Variants in UGT1A7 observed in about 807,000 individuals in gnomAD.
UGT1A7 encodes the protein UDP-glucuronosyltransferase 1A7.
UGT1A7 carries 33 observed loss-of-function variants against 45.6 expected under a neutral mutation model. The ratio of observed to expected loss-of-function variants is 0.72; its 90% CI spans 0.55 to 0.97. The LOEUF (loss-of-function observed/expected upper bound fraction) is 0.97. Ranked by LOEUF, UGT1A7 falls within the 50% of genes least tolerant of loss-of-function variation. The probability of loss-of-function intolerance (pLI) is 0.00; values close to 1 mark genes in which losing one functional copy is unlikely to be tolerated. For missense variants in UGT1A7, 684 were observed against 666.2 expected (o/e 1.03, Z -0.29); for synonymous variants, 274 against 250.6 (o/e 1.09, Z -0.88).
chr2:233,720,447 A>G lies in UGT1A7; in HGVS notation c.855+37655A>G, dbSNP rs148666216. Among the ~76,000 whole-genome samples the G allele has an allele frequency of 8.6e-4, 131 of 152,258 alleles. 1 individual carries two copies. The highest frequency in any genetic ancestry group is 3.8e-4 in the Non-Finnish European group (26 of 68,020). On this transcript the variant is annotated intron_variant, in intron 1 of 4. Coordinates refer to ENST00000373426, the MANE Select transcript of UGT1A7 (RefSeq NM_019077.3). ...GATAAGACCGTGAATCTATAAGCCC[A>G]GTGAAGCTGGGACCAGTGATGAATG...
In UGT1A7 at chr2:233,724,282, G is replaced by C. The variant is rs1306983781; in HGVS notation, c.855+41490G>C. Among the ~76,000 whole-genome samples, 10 of 125,690 alleles carry C rather than the reference G, an allele frequency of 8.0e-5. No individual in the cohort carries two copies. In the East Asian group the frequency reaches 2.6e-3, roughly 32 times the overall value. 82.5% of individuals were successfully genotyped at this position (125,690 alleles called of 152,430 possible). On this transcript the variant is annotated intron_variant, in intron 1 of 4. Coordinates refer to ENST00000373426, the MANE Select transcript of UGT1A7 (RefSeq NM_019077.3). ...TCCCGGACGGGGCGGCTGGCCGGGC[G>C]GGGGGCTGACCCCCCCACCTCCCTC... is the stretch of plus-strand genomic sequence containing the variant.
intron 1 of UGT1A7, chr2:233,721,756 A>G (rs2076969655): frequency 2.2e-6 from 1 of 460,672 alleles, no homozygotes. Flanking sequence ...ATCTACATCT[A>G]AATTGTTATA....
chr2:233,732,903 T>A (rs1448905954), intron 1 of UGT1A7, among the ~76,000 whole-genome samples: 1 of 152,162 alleles, frequency 6.6e-6, no homozygotes, highest in Non-Finnish European at 1.5e-5. Flanking sequence ...CCTTGGGCAG[T>A]ATGGCCATTT....
At chr2:233,738,017 G>A (rs1338863372) in intron 1 of UGT1A7, among the ~76,000 whole-genome samples, 1 of 152,028 alleles carries the variant, frequency 6.6e-6, no homozygotes, top group Non-Finnish European at 1.5e-5. Flanking sequence ...ATCTTGAATT[G>A]TAATCCCCAT....
At chr2:233,686,017 T>C (rs1241753278) in intron 1 of UGT1A7, among the ~76,000 whole-genome samples, 1 of 152,202 alleles carries the variant, frequency 6.6e-6, no homozygotes. Flanking sequence ...TTGATTTTCA[T>C]CATGGTGCCA....
rs116377065 is a variant in UGT1A7, at chr2:233,702,706, G to A, written c.855+19914G>A. On this transcript the variant is annotated intron_variant, in intron 1 of 4. Transcript: ENST00000373426. ...TTTGGTTTTGTCAAATGCTTTTTCT[G>A]TGTCTATTGAAATGAACATGGTTTT... Among the ~76,000 whole-genome samples, 823 of 152,190 alleles carry A rather than the reference G, an allele frequency of 5.4e-3. 6 individuals carry two copies. Among genetic ancestry groups the A allele is most frequent in the African/African-American group, 0.019 (783 of 41,530 alleles).
At chr2:233,747,925 T>C in intron 1 of UGT1A7, 1 of 1,613,432 alleles carries the variant, frequency 6.2e-7, no homozygotes, top group South Asian at 1.1e-5. Flanking sequence ...GCCTCTGAGC[T>C]TTTTCAGAGG....
chr2:233,742,206 C>T (rs2125841703), intron 1 of UGT1A7, among the ~76,000 whole-genome samples: 1 of 152,086 alleles, frequency 6.6e-6, no homozygotes, highest in African/African-American at 2.4e-5. Context: ...AGGGGACTCA[C>T]AGCCTTCAGG....
At chr2:233,725,006 G>A (rs112132688) in intron 1 of UGT1A7, among the ~76,000 whole-genome samples, 45,538 of 146,588 alleles carry the variant, frequency 0.31, 9,033 homozygotes, top group South Asian at 0.46. Flanking sequence ...AGACCGGCCC[G>A]GCCAAACAGC....
intron 1 of UGT1A7, among the ~76,000 whole-genome samples, chr2:233,712,196 T>C (rs2076218375): frequency 6.6e-6 from 1 of 152,214 alleles, no homozygotes; most frequent in Non-Finnish European, 1.5e-5. Flanking sequence ...GCTCCCCCGG[T>C]CCCTTGGTGA....
At chr2:233,747,624 ATC>A in intron 1 of UGT1A7, 1 of 1,577,546 alleles carries the variant, frequency 6.3e-7, no homozygotes, top group South Asian at 1.1e-5. Flanking sequence ...TGAGGCCCTG[ATC>A]AGGCACCTGA....
In UGT1A7 at chr2:233,725,076, A is replaced by C. The variant is rs376662690; in HGVS notation, c.856-41958A>C. ...GCGGCGCGCGCCTGCAATCGCAGGC[A>C]CTCGGCAGGCTGAGGCAGGAGAATC... On this transcript the variant is annotated intron_variant, in intron 1 of 4. Transcript: ENST00000373426. 3.9e-4 allele frequency among the ~76,000 whole-genome samples: 56 copies of C among 144,798 alleles called. 8 individuals are homozygous for C. In the East Asian group the frequency reaches 0.012, roughly 30 times the overall value. 95.0% of individuals were successfully genotyped at this position (144,798 alleles called of 152,430 possible).
intron 1 of UGT1A7, among the ~76,000 whole-genome samples, chr2:233,730,262 T>G (rs2078006509): frequency 6.6e-6 from 1 of 152,108 alleles, no homozygotes; most frequent in South Asian, 2.1e-4. Context: ...TAGAGACTGT[T>G]GGTTTGTAAA....
At chr2:233,747,955 T>C in intron 1 of UGT1A7, 1 of 1,613,464 alleles carries the variant, frequency 6.2e-7, no homozygotes, top group East Asian at 2.2e-5. Flanking sequence ...GTGGTGGATC[T>C]TCTCAGCCAT....
chr2:233,729,457 T>C, intron 1 of UGT1A7: 1 of 1,614,120 alleles, frequency 6.2e-7, no homozygotes, highest in Non-Finnish European at 8.5e-7. Flanking sequence ...GAAGAAATTT[T>C]TCAGAAGTAT....
intron 1 of UGT1A7, among the ~76,000 whole-genome samples, chr2:233,748,506 T>C (rs868820669): frequency 6.6e-5 from 10 of 151,912 alleles, no homozygotes; most frequent in African/African-American, 2.4e-4. Context: ...TTTTTAGTGG[T>C]CCTGTCTTGC....
intron 1 of UGT1A7, chr2:233,719,778 T>C (rs2076804234): frequency 1.2e-6 from 2 of 1,611,190 alleles, no homozygotes; most frequent in African/African-American, 2.7e-5. Context: ...TATCTACTTA[T>C]CTTTCCAAAG....
chr2:233,687,090 G>A (rs978778348), intron 1 of UGT1A7, among the ~76,000 whole-genome samples: 1 of 152,214 alleles, frequency 6.6e-6, no homozygotes, highest in Non-Finnish European at 1.5e-5. Context: ...TACTTCAGCT[G>A]TGACACTTGC....
chr2:233,709,798 C>A (rs2076093019), intron 1 of UGT1A7, among the ~76,000 whole-genome samples: 1 of 152,132 alleles, frequency 6.6e-6, no homozygotes, highest in African/African-American at 2.4e-5. Context: ...TTTAATGATA[C>A]ATTTCTGAGT....
Sources: gnomAD v4.1 joint callset for allele counts (sites outside exome capture counted in the v4.1 genomes callset) on GRCh38, gnomAD v4.1.1 for gene constraint, MANE v1.5 for transcripts, NCBI Gene and HGNC (gene_info 2026-07-23, HGNC 2026-07-21) for gene names.